The following VPS41 variants were observed in gnomAD, a reference collection of about 807,000 sequenced individuals.
The protein encoded by VPS41 is vacuolar protein sorting-associated protein 41 homolog.
Under a neutral mutation model 130.9 loss-of-function variants are expected in VPS41, and 85 were observed. That is an observed-to-expected ratio of 0.65 (90% CI 0.55 to 0.78). VPS41 has a LOEUF of 0.78. VPS41 is among the 30% of genes least tolerant of loss of function. The pLI is 0.00. For missense variants in VPS41, 874 were observed against 1,018.7 expected (o/e 0.86, Z 1.93); for synonymous variants, 335 against 332.9 (o/e 1.01, Z -0.07).
chr7:38,820,186 C>T (rs1441512899), intron 6 of VPS41, among the ~76,000 whole-genome samples: 1 of 152,176 alleles, frequency 6.6e-6, no homozygotes, highest in African/African-American at 2.4e-5. Context: ...TAAATTTCAT[C>T]CTTTCCATCT....
At chr7:38,774,516 A>G (rs1346037084) in intron 11 of VPS41, among the ~76,000 whole-genome samples, 1 of 152,156 alleles carries the variant, frequency 6.6e-6, no homozygotes, top group South Asian at 2.1e-4. Flanking sequence ...AGATCTGTGG[A>G]GAAATTACAA....
intron 5 of VPS41, among the ~76,000 whole-genome samples, chr7:38,821,680 A>ATGGG (rs1785174077): frequency 7.6e-6 from 1 of 131,038 alleles, no homozygotes; most frequent in South Asian, 2.4e-4. Context: ...GCACTCCAGC[A>ATGGG]TGGGTGACAG....
intron 10 of VPS41, among the ~76,000 whole-genome samples, chr7:38,788,885 GTCTT>G (rs1304756290): frequency 6.6e-6 from 1 of 152,198 alleles, no homozygotes; most frequent in Non-Finnish European, 1.5e-5. Context: ...GGTAATGTAT[GTCTT>G]TCTATTTACA....
chr7:38,767,714 C>T, intron 14 of VPS41, 116 bp from the exon 15 acceptor site: 4 of 548,974 alleles, frequency 7.3e-6, no homozygotes, highest in Non-Finnish European at 1.3e-5. Context: ...TGACTATAAC[C>T]TGTTTATACT....
At chr7:38,738,629 T>C (rs1411757913) in intron 25 of VPS41, among the ~76,000 whole-genome samples, 1 of 152,244 alleles carries the variant, frequency 6.6e-6, no homozygotes, top group Non-Finnish European at 1.5e-5. Flanking sequence ...CTGGTCAGTT[T>C]ACATAAAAAC....
intron 7 of VPS41, among the ~76,000 whole-genome samples, chr7:38,803,183 G>A (rs2116023539): frequency 1.3e-5 from 2 of 152,276 alleles, no homozygotes; most frequent in Admixed American, 1.3e-4. Flanking sequence ...CACATGTGTG[G>A]CAAGATTCTT....
At position 38,909,109 on chromosome 7, in the gene VPS41, A is replaced by G. The variant is rs202196019; in HGVS notation, c.21+45T>C. The G allele has an allele frequency of 5.8e-5, 94 of 1,612,090 alleles. 1 individual carries two copies. The Middle Eastern group carries it at 2.0e-3, about 34-fold the overall frequency. On this transcript the variant is annotated intron_variant, in intron 1 of 28. Coordinates refer to ENST00000310301, the MANE Select transcript of VPS41 (RefSeq NM_014396.4). ...CCACCCTCCCCAAACAGCCCACCCT[A>G]GTCTCTATATCCCTGTGCCCTCAAC...
At chr7:38,819,654 T>C (rs368579273) in intron 6 of VPS41, among the ~76,000 whole-genome samples, 1 of 152,134 alleles carries the variant, frequency 6.6e-6, no homozygotes, top group African/African-American at 2.4e-5. Flanking sequence ...CATTCGACAC[T>C]GCTGACCACT....
intron 7 of VPS41, among the ~76,000 whole-genome samples, chr7:38,816,878 T>C (rs1167176321): frequency 6.6e-6 from 1 of 152,136 alleles, no homozygotes. Flanking sequence ...CTTCAATAGC[T>C]AGGACTAGAG....
intron 5 of VPS41, among the ~76,000 whole-genome samples, chr7:38,822,528 G>A (rs1047389590): frequency 4.6e-5 from 7 of 152,092 alleles, no homozygotes; most frequent in Non-Finnish European, 1.0e-4. Context: ...GCCACTGCTG[G>A]GTATTATTTC....
chr7:38,796,774 C>G lies in VPS41; in HGVS notation c.541G>C (p.Gly181Arg), dbSNP rs1238306765. The change falls in exon 8 of 29, where the codon GGC becomes CGC. Residue 181 changes from glycine (G) to arginine (R), a missense_variant. Transcript: ENST00000310301. ...EGNIRSVKWR[G>R]HLIAWANNMG... ...TTATTGGCCCAAGCAATCAGATGGC[C>G]TCTCCACTTCACACTCCTTATGTTC... The G allele has an allele frequency of 6.2e-7, 1 of 1,613,816 alleles. No individual in the cohort carries two copies.
At chr7:38,889,385 C>T (rs978874343) in intron 2 of VPS41, among the ~76,000 whole-genome samples, 4 of 145,554 alleles carry the variant, frequency 2.7e-5, no homozygotes, top group African/African-American at 1.0e-4. Flanking sequence ...ATCTTGAAAA[C>T]AGCTAGGGAA....
intron 25 of VPS41, among the ~76,000 whole-genome samples, chr7:38,736,689 T>A (rs1403324514): frequency 1.3e-5 from 2 of 152,334 alleles, no homozygotes; most frequent in Middle Eastern, 3.4e-3. Context: ...AGTCCCTTTT[T>A]ATCCAGAGAT....
chr7:38,764,815 G>C (rs1007883837), intron 16 of VPS41, among the ~76,000 whole-genome samples: 23 of 151,974 alleles, frequency 1.5e-4, no homozygotes, highest in Admixed American at 7.9e-4. Context: ...ATCATCAGCA[G>C]TATATACAAG....
At chr7:38,759,830 C>T (rs1364706184) in intron 17 of VPS41, among the ~76,000 whole-genome samples, 1 of 152,126 alleles carries the variant, frequency 6.6e-6, no homozygotes, top group Non-Finnish European at 1.5e-5. Flanking sequence ...CTGCTGGGTG[C>T]AACTGGTTAT....
intron 4 of VPS41, among the ~76,000 whole-genome samples, chr7:38,834,838 C>T (rs1785461159): frequency 6.7e-6 from 1 of 149,958 alleles, no homozygotes; most frequent in Non-Finnish European, 1.5e-5. Context: ...CTAATCTGGT[C>T]ATTCATATTT....
Position 38,742,168 on chromosome 7 carries a change from T to C in VPS41, c.2123-47A>G, listed in dbSNP as rs375322539. ...AATGAACATATAAGCAACATTATAA[T>C]GCAATTTTATTTGCACATAATTTGC... On this transcript the variant is annotated intron_variant, in intron 24 of 28. Coordinates refer to ENST00000310301, the MANE Select transcript of VPS41 (RefSeq NM_014396.4). The C allele has an allele frequency of 1.6e-5, 24 of 1,521,428 alleles. No homozygotes were observed. In the Middle Eastern group the frequency reaches 7.2e-4, roughly 45 times the overall value. 94.2% of individuals were successfully genotyped at this position (1,521,428 alleles called of 1,614,324 possible).
At chr7:38,729,606 T>G (rs1177782554) in intron 25 of VPS41, among the ~76,000 whole-genome samples, 1 of 152,188 alleles carries the variant, frequency 6.6e-6, no homozygotes, top group East Asian at 1.9e-4. Context: ...TACTATTTCC[T>G]CCCTTCCTGC....
intron 4 of VPS41, among the ~76,000 whole-genome samples, chr7:38,830,573 T>C (rs1281988954): frequency 6.6e-6 from 1 of 152,160 alleles, no homozygotes; most frequent in African/African-American, 2.4e-5. Flanking sequence ...GGCTTGATGA[T>C]AAAATAAATG....
Sources: gnomAD v4.1 joint callset for allele counts (sites outside exome capture counted in the v4.1 genomes callset) on GRCh38, gnomAD v4.1.1 for gene constraint, MANE v1.5 for transcripts, NCBI Gene and HGNC (gene_info 2026-07-23, HGNC 2026-07-21) for gene names.